The following DAB1 variants were observed in gnomAD, a reference collection of about 807,000 sequenced individuals.
DAB1 encodes DAB adaptor protein 1, also known as disabled homolog 1.
DAB1 carries 15 observed loss-of-function variants against 64.6 expected under a neutral mutation model. The observed-to-expected ratio is 0.23, with a 90% CI of 0.16 to 0.36. The LOEUF (loss-of-function observed/expected upper bound fraction) is 0.36, where lower values mean the gene tolerates loss of function less well. Ranked by LOEUF, DAB1 falls within the 10% of genes least tolerant of loss-of-function variation. The pLI is 1.00. For synonymous variants in DAB1, 235 were observed against 251.9 expected (o/e 0.93, Z 0.64); for missense variants, 596 against 706.7 (o/e 0.84, Z 1.78).
rs1210953939 is a variant in DAB1 at position 56,997,273 on chromosome 1, T to C, written c.*871A>G. ...TTAGAGTTTAGAGCTTCTTAAGAAATCAGATGCATTTTTCATCTTTCTCAT... is the reference window on the plus strand; with the variant it reads ...TTAGAGTTTAGAGCTTCTTAAGAAACCAGATGCATTTTTCATCTTTCTCAT... On this transcript the variant is annotated 3_prime_UTR_variant, in exon 15 of 15. Coordinates refer to ENST00000371236, the MANE Select transcript of DAB1 (RefSeq NM_001365792.1). 1 of 152,190 alleles carries C rather than the reference T, an allele frequency of 6.6e-6. No homozygotes were observed. The highest frequency in any genetic ancestry group is 2.4e-5 in the African/African-American group (1 of 41,442). The allele number at this position is 152,190 out of a possible 1,614,324, so 9.4% of individuals were successfully genotyped here. A position where few individuals can be genotyped will look rare whatever the true frequency, so the allele number is the denominator to read the frequency against.
chr1:57,454,817 C>T (rs1179632537), intron 7 of DAB1, among the ~76,000 whole-genome samples: 1 of 151,988 alleles, frequency 6.6e-6, no homozygotes, highest in Non-Finnish European at 1.5e-5. Context: ...TACTATATGC[C>T]TACAGTAATT....
intron 5 of DAB1, among the ~76,000 whole-genome samples, chr1:57,983,311 GA>G (rs1408332259): frequency 1.3e-5 from 2 of 152,170 alleles, no homozygotes; most frequent in Non-Finnish European, 2.9e-5. Context: ...GCTTGTGGTA[GA>G]ATAAGAACCA....
intron 3 of DAB1, among the ~76,000 whole-genome samples, chr1:58,483,074 G>A (rs1422927364): frequency 6.6e-6 from 1 of 152,146 alleles, no homozygotes; most frequent in African/African-American, 2.4e-5. Flanking sequence ...TTACCTGGAA[G>A]TCCAGGTACA....
At chr1:57,587,628 A>C (rs913444874) in intron 7 of DAB1, among the ~76,000 whole-genome samples, 1 of 152,188 alleles carries the variant, frequency 6.6e-6, no homozygotes, top group African/African-American at 2.4e-5. Context: ...ATATGATTTT[A>C]AAGGGATTTA....
chr1:58,269,770 C>G (rs1661270007), intron 4 of DAB1, among the ~76,000 whole-genome samples: 1 of 75,358 alleles, frequency 1.3e-5, no homozygotes, highest in Non-Finnish European at 2.7e-5. Flanking sequence ...TCTCTGATGG[C>G]CAGTGATGAT....
At chr1:57,063,237 C>T (rs773044841) in intron 8 of DAB1, among the ~76,000 whole-genome samples, 23 of 150,890 alleles carry the variant, frequency 1.5e-4, no homozygotes, top group Non-Finnish European at 8.9e-5. Context: ...AGAAGTCATG[C>T]GGTAAAAAAA....
intron 4 of DAB1, among the ~76,000 whole-genome samples, chr1:57,086,958 G>A (rs1653149692): frequency 6.6e-6 from 1 of 152,144 alleles, no homozygotes. Context: ...GATCTGTGGT[G>A]TCCATCGATG....
intron 5 of DAB1, among the ~76,000 whole-genome samples, chr1:57,968,160 T>C (rs1287163758): frequency 6.6e-6 from 1 of 152,152 alleles, no homozygotes; most frequent in African/African-American, 2.4e-5. Flanking sequence ...AATGAAATGA[T>C]AGTGGGTTCA....
chr1:57,830,433 G>C (rs980691572), intron 1 of DAB1, among the ~76,000 whole-genome samples: 5 of 152,236 alleles, frequency 3.3e-5, no homozygotes, highest in African/African-American at 1.2e-4. Context: ...ACTTGTCCAA[G>C]GCAACAGAGC....
At chr1:57,889,234 G>A (rs554577329) in intron 5 of DAB1, among the ~76,000 whole-genome samples, 9 of 152,314 alleles carry the variant, frequency 5.9e-5, no homozygotes, top group Admixed American at 2.6e-4. Context: ...CTGTTTCTGC[G>A]CTTTCAGTGT....
chr1:57,093,361 T>C (rs954495165), intron 4 of DAB1, among the ~76,000 whole-genome samples: 2 of 152,094 alleles, frequency 1.3e-5, no homozygotes, highest in African/African-American at 4.8e-5. Context: ...AGGCAATAAT[T>C]CTAGTACTCA....
chr1:58,173,251 G>T (rs1263275888), intron 4 of DAB1, among the ~76,000 whole-genome samples: 1 of 152,096 alleles, frequency 6.6e-6, no homozygotes. Flanking sequence ...AGAAGGAAAG[G>T]TACTTATACC....
At chr1:57,618,451 A>G (rs531174508) in intron 7 of DAB1, among the ~76,000 whole-genome samples, 9 of 149,924 alleles carry the variant, frequency 6.0e-5, no homozygotes, top group African/African-American at 2.2e-4. Context: ...CAGGCTGACA[A>G]GTCTTCCTTT....
At chr1:57,808,089 G>A (rs940494779) in intron 6 of DAB1, among the ~76,000 whole-genome samples, 6 of 151,984 alleles carry the variant, frequency 3.9e-5, no homozygotes, top group African/African-American at 1.5e-4. Flanking sequence ...GTGGTGACCA[G>A]TGCCCCTATT....
rs184721867 is a variant in DAB1, at chr1:58,136,478, C to T, written n.387+14033G>A. ...AAGGCTGCATTAATTTTGGACCACA[C>T]AGTAAGAAAGCTGAGCTCACTAGTC... On this transcript the variant is annotated intron_variant and non_coding_transcript_variant, in intron 5 of 20. Transcript: ENST00000485760. 2.6e-3 allele frequency among the ~76,000 whole-genome samples: 395 copies of T among 152,286 alleles called. 1 individual carries two copies. The highest frequency in any genetic ancestry group is 6.8e-3 in the Middle Eastern group (2 of 294).
chr1:58,268,847 C>A (rs1002677457), intron 4 of DAB1, among the ~76,000 whole-genome samples: 1 of 152,134 alleles, frequency 6.6e-6, no homozygotes, highest in African/African-American at 2.4e-5. Context: ...TTTCATACTT[C>A]TTGATTTCAA....
chr1:57,247,229 C>T (rs142260767), intron 2 of DAB1, among the ~76,000 whole-genome samples: 1 of 152,212 alleles, frequency 6.6e-6, no homozygotes, highest in Non-Finnish European at 1.5e-5. Context: ...AGGAGAGGGG[C>T]CTGGTGGGAG....
intron 6 of DAB1, among the ~76,000 whole-genome samples, chr1:57,727,766 T>C (rs1285891743): frequency 6.6e-6 from 1 of 151,818 alleles, no homozygotes; most frequent in Non-Finnish European, 1.5e-5. Context: ...CCTCTCTTCC[T>C]CTCTCCCCTT....
At chr1:58,225,564 A>G (rs1659424352) in intron 4 of DAB1, among the ~76,000 whole-genome samples, 1 of 152,100 alleles carries the variant, frequency 6.6e-6, no homozygotes, top group African/African-American at 2.4e-5. Context: ...AACCAACCCA[A>G]ATGTCCAACA....
Sources: gnomAD v4.1 joint callset for allele counts (sites outside exome capture counted in the v4.1 genomes callset) on GRCh38, gnomAD v4.1.1 for gene constraint, MANE v1.5 for transcripts, NCBI Gene and HGNC (gene_info 2026-07-23, HGNC 2026-07-21) for gene names.